The following NEK9 variants were observed in gnomAD, a reference collection of about 807,000 sequenced individuals.
NEK9 encodes the protein NIMA related kinase 9, also known as serine/threonine-protein kinase Nek9.
NEK9 carries 75 observed loss-of-function variants against 123.4 expected under a neutral mutation model. The observed-to-expected ratio is 0.61, with a 90% confidence interval of 0.50 to 0.74. NEK9 has a LOEUF of 0.74. Ranked by LOEUF, NEK9 falls within the 30% of genes least tolerant of loss-of-function variation. The probability of loss-of-function intolerance (pLI) is 0.00; values close to 1 mark genes in which losing one functional copy is unlikely to be tolerated. For missense variants in NEK9, 952 were observed against 1,214.4 expected (o/e 0.78, Z 3.21); for synonymous variants, 438 against 458.7 (o/e 0.95, Z 0.58).
intron 16 of NEK9, among the ~76,000 whole-genome samples, chr14:75,099,039 T>C (rs540239277): frequency 6.6e-6 from 1 of 152,178 alleles, no homozygotes; most frequent in Non-Finnish European, 1.5e-5. Flanking sequence ...TTTATTTAAA[T>C]ATGGTAACAG....
At chr14:75,095,001 A>C (rs1392567763) in intron 18 of NEK9, among the ~76,000 whole-genome samples, 2 of 152,136 alleles carry the variant, frequency 1.3e-5, no homozygotes, top group African/African-American at 4.8e-5. Flanking sequence ...TTTTATTCTG[A>C]GTGCCTGTTT....
intron 16 of NEK9, among the ~76,000 whole-genome samples, chr14:75,100,604 C>A (rs1308244404): frequency 1.3e-5 from 2 of 152,182 alleles, no homozygotes; most frequent in African/African-American, 4.8e-5. Flanking sequence ...ACAGGTGACC[C>A]CAGCCAACAG....
intron 14 of NEK9, among the ~76,000 whole-genome samples, chr14:75,103,549 T>C (rs969014444): frequency 6.6e-6 from 1 of 152,186 alleles, no homozygotes; most frequent in African/African-American, 2.4e-5. Flanking sequence ...ATATAGACCA[T>C]TCCCATTACT....
chr14:75,116,487 T>G lies in NEK9; in HGVS notation c.762+708A>C, dbSNP rs1304294727. On this transcript the variant is annotated intron_variant, in intron 6 of 21. Coordinates refer to ENST00000238616, the MANE Select transcript of NEK9 (RefSeq NM_033116.6). ...ATTCTGTTCACTAGATTTGCATTCT[T>G]TTACACGTTTCTAGGAAAGTGATGC... The G allele has an allele frequency of 2.8e-5, 10 of 362,928 alleles. No homozygotes were observed. The East Asian group carries it at 8.6e-4, about 31-fold the overall frequency. 22.5% of individuals were successfully genotyped at this position (362,928 alleles called of 1,614,324 possible).
rs1281277192 is a variant in NEK9 at position 75,101,140 on chromosome 14, C to T, written c.1854G>A (p.Leu618=). The part of the protein sequence containing the change: ...HTAAIDERGR[L]LTFGCNKCGQ... ...CACACTTGTTGCAGCCAAAGGTCAG[C>T]AGCCGGCCTCGCTCTGAGAGAGAAG... The change falls in exon 16 of 22, where the codon CTG becomes CTA. Residue 618 remains leucine, a synonymous_variant. Coordinates refer to ENST00000238616, the MANE Select transcript of NEK9 (RefSeq NM_033116.6). The T allele has an allele frequency of 6.2e-7, 1 of 1,614,110 alleles. No individual in the cohort carries two copies. Among genetic ancestry groups the T allele is most frequent in the Non-Finnish European group, 8.5e-7 (1 of 1,179,990 alleles).
chr14:75,123,944 A>AGTTTTTATCACTGTATAT, intron 2 of NEK9, 102 bp downstream of exon 2: 6 of 944,818 alleles, frequency 6.4e-6, no homozygotes, highest in Non-Finnish European at 9.1e-6. Flanking sequence ...ATTCATTTAA[A>AGTTTTTATCACTGTATAT]GTTTTTATCA....
intron 16 of NEK9, among the ~76,000 whole-genome samples, chr14:75,099,119 A>G (rs946694031): frequency 3.9e-5 from 6 of 152,234 alleles, no homozygotes; most frequent in Non-Finnish European, 7.3e-5. Flanking sequence ...AGGATATCTC[A>G]GAGCACAAGC....
intron 14 of NEK9, among the ~76,000 whole-genome samples, chr14:75,102,304 A>G (rs575252850): frequency 1.5e-3 from 222 of 152,336 alleles, no homozygotes; most frequent in African/African-American, 5.2e-3. Flanking sequence ...TAATGAAAAC[A>G]TAAATCAAGT....
In NEK9 at chr14:75,097,266, A is replaced by G. The variant is rs781068078; in HGVS notation, c.2007T>C (p.Asn669=). Residue 669 remains asparagine, a synonymous_variant, in exon 17 of 22, where the codon AAT becomes AAC. Coordinates refer to ENST00000238616, the MANE Select transcript of NEK9 (RefSeq NM_033116.6). Reference sequence around the variant, plus strand: ...CACCATTGCCCCAGGCAAAAATGTGATTATCTAGGAAAAAAGTTAAACAGT... The same window carrying G: ...CACCATTGCCCCAGGCAAAAATGTGGTTATCTAGGAAAAAAGTTAAACAGT... ...DEFTIAATDD[N]HIFAWGNGGN... 5.6e-6 allele frequency: 9 copies of G among 1,594,854 alleles called. No individual in the cohort carries two copies. Among genetic ancestry groups the G allele is most frequent in the Non-Finnish European group, 7.7e-6 (9 of 1,171,008 alleles).
chr14:75,107,221 T>C, intron 11 of NEK9, 122 bp downstream of exon 11: 1 of 1,034,902 alleles, frequency 9.7e-7, no homozygotes, highest in African/African-American at 1.6e-5. Flanking sequence ...GTATATTTGC[T>C]CAAGGTCCTC....
At position 75,126,889 on chromosome 14, in the gene NEK9, G is replaced by A; in HGVS notation, c.33C>T (p.Cys11=). The change falls in exon 1 of 22, where the codon TGC becomes TGT. Residue 11 remains cysteine, a synonymous_variant. Transcript: ENST00000238616. MSVLGEYERH[C]DSINSDFGSE... Reference sequence around the variant, plus strand: ...TCCCAAAGTCCGAGTTGATGGAATCGCAGTGTCGCTCGTACTCGCCCAGCA... The same window carrying A: ...TCCCAAAGTCCGAGTTGATGGAATCACAGTGTCGCTCGTACTCGCCCAGCA... 2 of 1,521,330 alleles carry A rather than the reference G, an allele frequency of 1.3e-6. No homozygotes were observed. The highest frequency in any genetic ancestry group is 1.8e-6 in the Non-Finnish European group (2 of 1,133,470). 94.2% of individuals were successfully genotyped at this position (1,521,330 alleles called of 1,614,324 possible).
intron 16 of NEK9, among the ~76,000 whole-genome samples, chr14:75,097,894 G>A (rs1566645321): frequency 6.6e-6 from 1 of 152,178 alleles, no homozygotes; most frequent in Non-Finnish European, 1.5e-5. Flanking sequence ...GACCCCTGCA[G>A]CTAGAACAAA....
chr14:75,106,894 T>C (rs1894795770), intron 11 of NEK9, among the ~76,000 whole-genome samples, 192 bp from the exon 12 acceptor site: 1 of 152,176 alleles, frequency 6.6e-6, no homozygotes, highest in African/African-American at 2.4e-5. Flanking sequence ...CTACTACTAC[T>C]ATATTAAACA....
intron 14 of NEK9, 95 bp downstream of exon 14, chr14:75,103,747 A>C: frequency 7.3e-7 from 1 of 1,374,130 alleles, no homozygotes; most frequent in Non-Finnish European, 9.9e-7. Flanking sequence ...ACTAAAGTCA[A>C]ATTCCATGGT....
intron 11 of NEK9, 53 bp downstream of exon 11, chr14:75,107,289 AG>A (rs956071892): frequency 6.3e-7 from 1 of 1,580,120 alleles, no homozygotes; most frequent in African/African-American, 1.4e-5. Context: ...CACAGCATTA[AG>A]CAAAATACCC....
chr14:75,114,447 T>C (rs1039453528), intron 6 of NEK9, 134 bp from the exon 7 acceptor site: 1 of 674,974 alleles, frequency 1.5e-6, no homozygotes, highest in Non-Finnish European at 2.6e-6. Flanking sequence ...TTATAACTAC[T>C]AGTATGCATC....
Position 75,106,540 on chromosome 14 carries a change from C to T in NEK9, c.1490G>A (p.Arg497Gln), listed in dbSNP as rs367734284. The T allele has an allele frequency of 1.9e-5, 30 of 1,613,900 alleles. No individual in the cohort carries two copies. The highest frequency in any genetic ancestry group is 1.6e-4 in the Middle Eastern group (1 of 6,084). ...GCCCCAAGAATAGACTTCCTTGTTTCGTGTCAGAACCACCACATGATTATC... is the reference window on the plus strand; with the variant it reads ...GCCCCAAGAATAGACTTCCTTGTTTTGTGTCAGAACCACCACATGATTATC... ...CGDNHVVVLT[R>Q]NKEVYSWGCG... is the part of the protein sequence containing the mutation. The change falls in exon 12 of 22, where the codon CGA becomes CAA. Residue 497 changes from arginine to glutamine, a missense_variant. Around this residue, in one of 4 missense-constraint regions of NEK9, gnomAD observed 698 missense variants for 875.6 expected, o/e 0.80. Coordinates refer to ENST00000238616, the MANE Select transcript of NEK9 (RefSeq NM_033116.6).
chr14:75,096,881 C>G, intron 17 of NEK9: 1 of 393,462 alleles, frequency 2.5e-6, no homozygotes, highest in Non-Finnish European at 4.5e-6. Flanking sequence ...AGAGCCCAAA[C>G]TTATATTAAA....
intron 10 of NEK9, among the ~76,000 whole-genome samples, chr14:75,108,191 C>G (rs1240793051): frequency 1.3e-5 from 2 of 151,042 alleles, no homozygotes; most frequent in Non-Finnish European, 2.9e-5. Context: ...GTGGCTCGAT[C>G]TCAGCTCACT....
Sources: allele counts gnomAD v4.1 joint callset (sites outside exome capture counted in the v4.1 genomes callset), GRCh38; gene constraint gnomAD v4.1.1; regional missense constraint gnomAD v4.1.1; transcripts MANE v1.5; gene names NCBI Gene and HGNC (gene_info 2026-07-23, HGNC 2026-07-21).